SLC24A3: variants seen among roughly 807,000 people sequenced by gnomAD.
The protein encoded by SLC24A3 is solute carrier family 24 member 3.
SLC24A3 carries 28 observed loss-of-function variants against 75.8 expected under a neutral mutation model. The observed-to-expected ratio is 0.37, with a 90% CI of 0.27 to 0.51. The LOEUF (loss-of-function observed/expected upper bound fraction) is 0.51, where lower values mean the gene tolerates loss of function less well. SLC24A3 is among the 20% of genes least tolerant of loss of function. The pLI is 0.94. For synonymous variants in SLC24A3, 372 were observed against 334.1 expected (o/e 1.11, Z -1.24); for missense variants, 663 against 847.8 (o/e 0.78, Z 2.71).
intron 10 of SLC24A3, 67 bp from the exon 11 acceptor site, chr20:19,684,109 T>C: frequency 1.9e-6 from 3 of 1,540,094 alleles, no homozygotes; most frequent in Non-Finnish European, 2.7e-6. Flanking sequence ...GAAGGAAGAA[T>C]AAATGAATGC....
At chr20:19,467,635 C>T (rs1568626275) in intron 2 of SLC24A3, among the ~76,000 whole-genome samples, 1 of 152,108 alleles carries the variant, frequency 6.6e-6, no homozygotes, top group Non-Finnish European at 1.5e-5. Context: ...AATCCTAGCA[C>T]TTTGAGAGCC....
intron 6 of SLC24A3, among the ~76,000 whole-genome samples, chr20:19,640,007 G>C (rs755515590): frequency 1.3e-5 from 2 of 152,242 alleles, no homozygotes; most frequent in Non-Finnish European, 2.9e-5. Context: ...ATTCCCGCTG[G>C]CGCCTCTCCC....
rs558695089 is a variant in SLC24A3 at position 19,580,412 on chromosome 20, C to T, written c.423+338C>T. Among the ~76,000 whole-genome samples, 163 of 152,234 alleles carry T rather than the reference C, an allele frequency of 1.1e-3. 1 individual carries two copies. The highest frequency in any genetic ancestry group is 3.4e-3 in the African/African-American group (142 of 41,534). ...CTCTTCCTTTCTGTTACTTCCTCCA[C>T]CTCTCTCTCCTGTGTTTCCTTCTGC... On this transcript the variant is annotated intron_variant, in intron 4 of 16. Coordinates refer to ENST00000328041, the MANE Select transcript of SLC24A3 (RefSeq NM_020689.4).
intron 2 of SLC24A3, among the ~76,000 whole-genome samples, chr20:19,395,906 G>A (rs60189874): frequency 0.01 from 1,526 of 152,160 alleles, 24 homozygotes; most frequent in African/African-American, 0.034. Context: ...GATGGTTTGG[G>A]GCCATTTGGG....
intron 2 of SLC24A3, among the ~76,000 whole-genome samples, chr20:19,439,421 C>T (rs1987262658): frequency 6.6e-6 from 1 of 152,132 alleles, no homozygotes; most frequent in African/African-American, 2.4e-5. Flanking sequence ...GGGACATAAG[C>T]CTGCCCTTCC....
chr20:19,250,106 A>G (rs1343566548), intron 1 of SLC24A3, among the ~76,000 whole-genome samples: 1 of 152,220 alleles, frequency 6.6e-6, no homozygotes, highest in Non-Finnish European at 1.5e-5. Flanking sequence ...CCATGTGTGC[A>G]GTGTCCACGC....
chr20:19,666,952 T>C (rs2032406311), intron 8 of SLC24A3, among the ~76,000 whole-genome samples: 1 of 152,228 alleles, frequency 6.6e-6, no homozygotes, highest in Non-Finnish European at 1.5e-5. Flanking sequence ...GAATATTTGA[T>C]CTACAGAGGT....
At chr20:19,644,751 AT>A (rs1205097158) in intron 6 of SLC24A3, among the ~76,000 whole-genome samples, 2 of 152,348 alleles carry the variant, frequency 1.3e-5, no homozygotes, top group South Asian at 2.1e-4. Context: ...TATAGCCAGA[AT>A]GGGCTGAGAG....
chr20:19,688,690 C>T (rs2032709434), intron 12 of SLC24A3, among the ~76,000 whole-genome samples: 1 of 152,206 alleles, frequency 6.6e-6, no homozygotes, highest in Admixed American at 6.5e-5. Flanking sequence ...CATGAGTACC[C>T]TGTTTCTGGC....
In SLC24A3 at chr20:19,385,011, T is replaced by A. The variant is rs760354896; in HGVS notation, c.271+103924T>A. Among the ~76,000 whole-genome samples the A allele has an allele frequency of 2.0e-5, 3 of 152,214 alleles. No homozygotes were observed. In the East Asian group the frequency reaches 5.8e-4, roughly 29 times the overall value. On this transcript the variant is annotated intron_variant, in intron 2 of 16. Coordinates refer to ENST00000328041, the MANE Select transcript of SLC24A3 (RefSeq NM_020689.4). Reference sequence around the variant, plus strand: ...TATTTGTTTTCTTGCTGTGAAATTGTTTGAGTTCCTTATCCATTCTAGATA... The same window carrying A: ...TATTTGTTTTCTTGCTGTGAAATTGATTGAGTTCCTTATCCATTCTAGATA...
intron 1 of SLC24A3, among the ~76,000 whole-genome samples, chr20:19,254,118 TGA>T (rs1982741530): frequency 1.3e-5 from 2 of 152,312 alleles, no homozygotes; most frequent in South Asian, 4.1e-4. Flanking sequence ...TGACATTGTA[TGA>T]GGAAATAATC....
intron 6 of SLC24A3, among the ~76,000 whole-genome samples, chr20:19,587,356 G>C (rs906614558): frequency 1.3e-5 from 2 of 152,156 alleles, no homozygotes; most frequent in Non-Finnish European, 2.9e-5. Context: ...AGCTTGGTTG[G>C]AACACCTGCA....
chr20:19,504,646 A>T, intron 2 of SLC24A3, among the ~76,000 whole-genome samples: 1 of 152,194 alleles, frequency 6.6e-6, no homozygotes, highest in East Asian at 1.9e-4. Flanking sequence ...AGACATAAGA[A>T]CATGAGAGAT....
rs536128664 is a variant in SLC24A3 at position 19,508,707 on chromosome 20, G to A, written c.272-6781G>A. On this transcript the variant is annotated intron_variant, in intron 2 of 16. Coordinates refer to ENST00000328041, the MANE Select transcript of SLC24A3 (RefSeq NM_020689.4). Reference sequence around the variant, plus strand: ...GCTTCTGCAGGCCCCCAGGGCTGGCGGGATGCACTGAAAGGAAAATTGGGG... The same window carrying A: ...GCTTCTGCAGGCCCCCAGGGCTGGCAGGATGCACTGAAAGGAAAATTGGGG... 9.8e-5 allele frequency among the ~76,000 whole-genome samples: 15 copies of A among 152,320 alleles called. No homozygotes were observed. In the South Asian group the frequency reaches 2.9e-3, roughly 29 times the overall value.
chr20:19,258,870 C>A (rs986739117), intron 1 of SLC24A3, among the ~76,000 whole-genome samples: 1 of 152,166 alleles, frequency 6.6e-6, no homozygotes, highest in African/African-American at 2.4e-5. Flanking sequence ...CTTCAGGAAT[C>A]AGAGTGGTTT....
At chr20:19,387,328 C>T (rs945983966) in intron 2 of SLC24A3, among the ~76,000 whole-genome samples, 2 of 151,512 alleles carry the variant, frequency 1.3e-5, no homozygotes, top group Admixed American at 1.3e-4. Flanking sequence ...TTCTCTATTT[C>T]ATTTATTTCT....
At chr20:19,224,580 A>G (rs557861895) in intron 1 of SLC24A3, among the ~76,000 whole-genome samples, 1 of 152,300 alleles carries the variant, frequency 6.6e-6, no homozygotes, top group African/African-American at 2.4e-5. Context: ...AATATTTCTG[A>G]ATGAATGCTC....
At chr20:19,381,763 A>G (rs2122373589) in intron 2 of SLC24A3, among the ~76,000 whole-genome samples, 1 of 152,328 alleles carries the variant, frequency 6.6e-6, no homozygotes, top group Non-Finnish European at 1.5e-5. Context: ...TACTAGGTGA[A>G]GGTTCCCAGA....
chr20:19,461,629 C>A (rs1215431720), intron 2 of SLC24A3, among the ~76,000 whole-genome samples: 2 of 149,686 alleles, frequency 1.3e-5, no homozygotes, highest in East Asian at 4.0e-4. Context: ...ACCCCCTGGG[C>A]TCAAGTGATT....
Sources: allele counts gnomAD v4.1 joint callset (sites outside exome capture counted in the v4.1 genomes callset), GRCh38; gene constraint gnomAD v4.1.1; transcripts MANE v1.5; gene names NCBI Gene and HGNC (gene_info 2026-07-23, HGNC 2026-07-21).